The following PRKG1 variants were observed in gnomAD, a reference collection of about 807,000 sequenced individuals.
PRKG1 encodes the protein cGMP-dependent protein kinase 1.
In PRKG1, 35 loss-of-function variants were observed where a neutral mutation model predicts 88.1. The ratio of observed to expected loss-of-function variants is 0.40; its 90% confidence interval spans 0.30 to 0.53. PRKG1 has a LOEUF of 0.53. Among genes scored for constraint, PRKG1 ranks in the 20% least tolerant of loss-of-function variants. The pLI, the probability that PRKG1 is intolerant of heterozygous loss-of-function variation, is 0.59. For synonymous variants in PRKG1, 303 were observed against 292.5 expected (o/e 1.04, Z -0.37); for missense variants, 540 against 839.8 (o/e 0.64, Z 4.41).
chr10:51,907,694 G>C, intron 5 of PRKG1, 124 bp downstream of exon 5: 1 of 766,742 alleles, frequency 1.3e-6, no homozygotes, highest in Non-Finnish European at 2.1e-6. Context: ...TAAGCTCTGG[G>C]ATGAGCTATA....
intron 4 of PRKG1, among the ~76,000 whole-genome samples, chr10:51,850,042 T>TC (rs148928864): frequency 0.04 from 6,130 of 152,222 alleles, 432 homozygotes; most frequent in African/African-American, 0.14. Flanking sequence ...TTCAAATAGA[T>TC]AAGGATTTGA....
chr10:51,075,125 T>TCTGTC (rs1384210327), intron 1 of PRKG1, among the ~76,000 whole-genome samples: 1 of 152,218 alleles, frequency 6.6e-6, no homozygotes, highest in African/African-American at 2.4e-5. Context: ...GTCAAGGTAT[T>TCTGTC]ATTTTTAAAT....
chr10:51,472,803 A>G (rs1564513167), intron 3 of PRKG1, among the ~76,000 whole-genome samples: 1 of 151,962 alleles, frequency 6.6e-6, no homozygotes, highest in Non-Finnish European at 1.5e-5. Flanking sequence ...GTGCTATAGC[A>G]AAAGAGCAGA....
chr10:51,056,367 C>T (rs920263720), intron 1 of PRKG1, among the ~76,000 whole-genome samples: 3 of 99,944 alleles, frequency 3.0e-5, no homozygotes, highest in African/African-American at 6.1e-5. Flanking sequence ...TACCTGGTTA[C>T]ACAGGAGCTT....
At chr10:51,260,112 C>T (rs752148841) in intron 2 of PRKG1, among the ~76,000 whole-genome samples, 24 of 152,134 alleles carry the variant, frequency 1.6e-4, no homozygotes, top group Admixed American at 2.6e-4. Context: ...TGATCATGCT[C>T]TTACTGATTG....
chr10:51,900,986 A>G (rs1434735027), intron 4 of PRKG1, among the ~76,000 whole-genome samples: 1 of 152,188 alleles, frequency 6.6e-6, no homozygotes, highest in Non-Finnish European at 1.5e-5. Flanking sequence ...GAAGAATTTC[A>G]TACTTTAAAG....
chr10:51,274,345 C>A (rs1019150875), intron 2 of PRKG1, among the ~76,000 whole-genome samples: 1 of 152,096 alleles, frequency 6.6e-6, no homozygotes, highest in Non-Finnish European at 1.5e-5. Context: ...ACTTTCATGT[C>A]CACTGAAAGT....
intron 9 of PRKG1, among the ~76,000 whole-genome samples, chr10:52,247,411 G>A (rs960102804): frequency 1.3e-5 from 2 of 152,076 alleles, no homozygotes; most frequent in African/African-American, 2.4e-5. Context: ...ACAGTAATAA[G>A]TTAGATAGGA....
chr10:51,394,505 G>C (rs1029352398), intron 2 of PRKG1, among the ~76,000 whole-genome samples: 3 of 152,174 alleles, frequency 2.0e-5, no homozygotes, highest in Non-Finnish European at 4.4e-5. Context: ...CAAGCAACAG[G>C]AAAAACCTGG....
chr10:51,590,859 A>T (rs2132207053), intron 3 of PRKG1, among the ~76,000 whole-genome samples: 1 of 152,288 alleles, frequency 6.6e-6, no homozygotes, highest in East Asian at 1.9e-4. Flanking sequence ...CTTAGAAAAA[A>T]GGAAAGGAAA....
At chr10:52,047,673 G>A (rs7068704) in intron 5 of PRKG1, among the ~76,000 whole-genome samples, 2,211 of 152,088 alleles carry the variant, frequency 0.015, 47 homozygotes, top group African/African-American at 0.049. Context: ...TACCTTACTA[G>A]CATGGTTTTT....
intron 3 of PRKG1, among the ~76,000 whole-genome samples, chr10:51,629,991 G>A (rs1159432562): frequency 2.0e-5 from 3 of 152,112 alleles, no homozygotes; most frequent in East Asian, 1.9e-4. Flanking sequence ...TGTATCTGCC[G>A]ACTTGAACAC....
At chr10:52,118,964 T>C (rs535088646) in intron 7 of PRKG1, among the ~76,000 whole-genome samples, 143 of 152,304 alleles carry the variant, frequency 9.4e-4, no homozygotes, top group African/African-American at 3.3e-3. Context: ...ATTTATGATA[T>C]ATGGTTTTAT....
At chr10:51,032,447 G>C (rs1436333916) in intron 1 of PRKG1, among the ~76,000 whole-genome samples, 1 of 151,588 alleles carries the variant, frequency 6.6e-6, no homozygotes, top group Non-Finnish European at 1.5e-5. Context: ...TAATGCATGT[G>C]TTCAATGTAA....
intron 2 of PRKG1, among the ~76,000 whole-genome samples, chr10:51,440,729 A>G (rs906611657): frequency 2.3e-4 from 35 of 152,094 alleles, no homozygotes; most frequent in African/African-American, 7.5e-4. Context: ...GTGTTTGTCA[A>G]TCCAATGCTT....
At chr10:52,122,655 T>C (rs1038090746) in intron 7 of PRKG1, among the ~76,000 whole-genome samples, 2 of 152,212 alleles carry the variant, frequency 1.3e-5, no homozygotes, top group East Asian at 1.9e-4. Flanking sequence ...TTCTTTAAAT[T>C]TGTAAGGCTT....
At chr10:51,261,822 C>A (rs1839713649) in intron 2 of PRKG1, among the ~76,000 whole-genome samples, 1 of 151,374 alleles carries the variant, frequency 6.6e-6, no homozygotes, top group Admixed American at 6.6e-5. Context: ...AGCAGCTACT[C>A]AGCTTCAGCA....
intron 2 of PRKG1, among the ~76,000 whole-genome samples, chr10:51,217,969 C>T (rs1216293056): frequency 6.6e-6 from 1 of 152,078 alleles, no homozygotes; most frequent in East Asian, 1.9e-4. Context: ...AAGTGATTAA[C>T]ATCTCATAAT....
chr10:51,622,489 T>C (rs1342683282), intron 3 of PRKG1, among the ~76,000 whole-genome samples: 4 of 152,224 alleles, frequency 2.6e-5, no homozygotes, highest in Non-Finnish European at 5.9e-5. Context: ...GCATGACCAG[T>C]CACCCAAACT....
Sources: allele counts gnomAD v4.1 joint callset (sites outside exome capture counted in the v4.1 genomes callset), GRCh38; gene constraint gnomAD v4.1.1; transcripts MANE v1.5; gene names NCBI Gene and HGNC (gene_info 2026-07-23, HGNC 2026-07-21).